Variants in ZNF506 observed in about 807,000 individuals in gnomAD.
The protein encoded by ZNF506 is zinc finger protein 506.
In ZNF506, 10 loss-of-function variants were observed where a neutral mutation model predicts 11.6. That is an observed-to-expected ratio of 0.86 (90% CI 0.53 to 1.46). The LOEUF is 1.46. Among genes scored for constraint, ZNF506 ranks in the 40% most tolerant of loss-of-function variants. ZNF506 has a pLI of 0.00. For missense variants in ZNF506, 425 were observed against 521.2 expected (o/e 0.82, Z 1.80); for synonymous variants, 156 against 173.3 (o/e 0.90, Z 0.78).
At chr19:19,821,487 T>G in intron 1 of ZNF506, 114 bp downstream of exon 1, 2 of 1,372,982 alleles carry the variant, frequency 1.5e-6, no homozygotes, top group Non-Finnish European at 2.1e-6. Context: ...GCGCAGATTG[T>G]GGAGCTGACT....
intron 3 of ZNF506, among the ~76,000 whole-genome samples, chr19:19,803,971 G>A (rs1015704018): frequency 6.6e-6 from 1 of 151,154 alleles, no homozygotes; most frequent in African/African-American, 2.4e-5. Context: ...CTGAGGTGTG[G>A]TTTACTTCCA....
chr19:19,794,625 C>G lies in ZNF506; in HGVS notation c.1262G>C (p.Arg421Thr), dbSNP rs1457150044. 6.2e-7 allele frequency: 1 copy of G among 1,612,760 alleles called. No individual in the cohort carries two copies. The highest frequency in any genetic ancestry group is 1.7e-5 in the Admixed American group (1 of 59,688). The part of the protein sequence containing the change: ...ALNKHKKIHI[R>T]QKPCIVKNVE... ...ATTCTTCACTATGCAGGGTTTCTGT[C>G]TAATATGAATTTTCTTATGTTTATT... Residue 421 changes from arginine to threonine, a missense_variant, in exon 4 of 4, where the codon AGA becomes ACA. Physicochemically the swap from Arg to Thr is moderately conservative, Grantham distance 71. This residue lies in a region of ZNF506 where 192 missense variants were observed against 215.7 expected (regional missense o/e 0.89). Transcript: ENST00000540806.
rs535142042 is a variant in ZNF506 at position 19,806,168 on chromosome 19, C to T, written c.131-42G>A. The T allele has an allele frequency of 3.2e-5, 46 of 1,444,726 alleles. No homozygotes were observed. The South Asian group carries it at 5.2e-4, about 16-fold the overall frequency. The allele number at this position is 1,444,726 out of a possible 1,614,324, so 89.5% of individuals were successfully genotyped here. A position where few individuals can be genotyped will look rare whatever the true frequency, so the allele number is the denominator to read the frequency against. ...AAATAATATGAATCTTGCTCATATT[C>T]TCCAATTACAAGCTAGTACTGTGCT... On this transcript the variant is annotated intron_variant, in intron 2 of 3. Coordinates refer to ENST00000540806, the MANE Select transcript of ZNF506 (RefSeq NM_001099269.3).
At chr19:19,805,543 TACTTA>T (rs1406243177) in intron 3 of ZNF506, among the ~76,000 whole-genome samples, 1 of 152,080 alleles carries the variant, frequency 6.6e-6, no homozygotes, top group Non-Finnish European at 1.5e-5. Context: ...AAGGATATCA[TACTTA>T]AAATTTCAAA....
intron 1 of ZNF506, among the ~76,000 whole-genome samples, chr19:19,815,855 C>T (rs961127657): frequency 1.3e-5 from 2 of 152,182 alleles, no homozygotes; most frequent in Non-Finnish European, 2.9e-5. Context: ...CATCAAAATA[C>T]TGTAGTTATC....
At chr19:19,798,654 CAAAAAAAAAAA>C (rs1169444252) in intron 3 of ZNF506, 1 of 39,424 alleles carries the variant, frequency 2.5e-5, no homozygotes, top group African/African-American at 1.0e-4. Context: ...GACTCCGTCT[CAAAAAAAAAAA>C]AAAAAAAAAA....
intron 1 of ZNF506, among the ~76,000 whole-genome samples, chr19:19,808,596 A>T (rs566489947): frequency 7.0e-6 from 1 of 143,538 alleles, no homozygotes; most frequent in African/African-American, 2.5e-5. Flanking sequence ...CTGTAATCCC[A>T]GCACTTTGGG....
intron 1 of ZNF506, among the ~76,000 whole-genome samples, chr19:19,817,456 C>T (rs902994736): frequency 4.1e-5 from 6 of 146,440 alleles, no homozygotes; most frequent in Non-Finnish European, 7.4e-5. Context: ...TTTACAAAGT[C>T]TAGAAAGTAC....
intron 1 of ZNF506, among the ~76,000 whole-genome samples, chr19:19,810,973 T>G (rs2062878793): frequency 6.6e-6 from 1 of 151,822 alleles, no homozygotes; most frequent in Non-Finnish European, 1.5e-5. Flanking sequence ...TGGGGCAGGG[T>G]GAAGACACTA....
At chr19:19,815,695 T>C (rs1168726925) in intron 1 of ZNF506, among the ~76,000 whole-genome samples, 1 of 152,220 alleles carries the variant, frequency 6.6e-6, no homozygotes, top group Non-Finnish European at 1.5e-5. Flanking sequence ...TAGACCCTGA[T>C]TCAGGGCTCA....
At chr19:19,808,429 T>G (rs2062854909) in intron 1 of ZNF506, among the ~76,000 whole-genome samples, 1 of 151,430 alleles carries the variant, frequency 6.6e-6, no homozygotes, top group Non-Finnish European at 1.5e-5. Context: ...AGCCAATCAT[T>G]AACCATTAAC....
Position 19,795,612 on chromosome 19 carries a change from T to C in ZNF506, c.275A>G (p.Lys92Arg). ...AQDLWSEQSI[K>R]DSFQKVILRR... ...TAGTATCACTTTTTGGAAAGAATCT[T>C]TTATGCTCTGCTCTGACCAAAGGTC... is the stretch of plus-strand genomic sequence containing the variant. Residue 92 changes from lysine to arginine, a missense_variant, in exon 4 of 4, where the codon AAA (lysine) becomes AGA (arginine). Physicochemically the swap from Lys to Arg is conservative, Grantham distance 26. Transcript: ENST00000540806. 1 of 1,552,938 alleles carries C rather than the reference T, an allele frequency of 6.4e-7. No individual in the cohort carries two copies. Among genetic ancestry groups the C allele is most frequent in the Non-Finnish European group, 8.7e-7 (1 of 1,155,284 alleles).
At chr19:19,819,118 G>A (rs541214798) in intron 1 of ZNF506, among the ~76,000 whole-genome samples, 19 of 152,178 alleles carry the variant, frequency 1.2e-4, no homozygotes, top group Non-Finnish European at 2.4e-4. Flanking sequence ...AGGAGACACC[G>A]CGCCATGCCC....
At chr19:19,811,492 C>T (rs2062882587) in intron 1 of ZNF506, among the ~76,000 whole-genome samples, 2 of 152,088 alleles carry the variant, frequency 1.3e-5, no homozygotes, top group Admixed American at 6.5e-5. Context: ...TAAATACGTA[C>T]ACTTAAAGAA....
intron 3 of ZNF506, among the ~76,000 whole-genome samples, chr19:19,802,495 A>G (rs2062803604): frequency 6.6e-6 from 1 of 151,690 alleles, no homozygotes; most frequent in African/African-American, 2.4e-5. Context: ...AAAAATATAT[A>G]TATTTTGCAG....
At position 19,793,774 on chromosome 19, in the gene ZNF506, TCAAA is replaced by T. The variant is rs2062713927; in HGVS notation, c.*774_*777del. 6.6e-6 allele frequency: 1 copy of T among 152,270 alleles called. No individual in the cohort carries two copies. The highest frequency in any genetic ancestry group is 2.1e-4 in the South Asian group (1 of 4,834). The allele number at this position is 152,270 out of a possible 1,614,324, so 9.4% of individuals were successfully genotyped here. On this transcript the variant is annotated 3_prime_UTR_variant, in exon 4 of 4. Coordinates refer to ENST00000540806, the MANE Select transcript of ZNF506 (RefSeq NM_001099269.3). Reference sequence around the variant, plus strand: ...TTCCTGTGAAATAAGGTGTAAGCACTCAAAAGTTTTGCCACATTCTTCACACTTG... The same window carrying T: ...TTCCTGTGAAATAAGGTGTAAGCACTAGTTTTGCCACATTCTTCACACTTG...
intron 3 of ZNF506, 148 bp from the exon 4 acceptor site, chr19:19,795,808 CTG>C (rs1207952932): frequency 1.2e-5 from 10 of 821,786 alleles, no homozygotes; most frequent in Admixed American, 3.3e-5. Flanking sequence ...GGATATATAA[CTG>C]TAACAAAAAC....
intron 1 of ZNF506, among the ~76,000 whole-genome samples, chr19:19,811,550 T>C (rs1321148856): frequency 1.3e-5 from 2 of 152,176 alleles, no homozygotes; most frequent in Non-Finnish European, 2.9e-5. Flanking sequence ...ACGCATGTAA[T>C]CCCAGCACTT....
chr19:19,794,441 A>G lies in ZNF506; in HGVS notation c.*111T>C, dbSNP rs2062720430. The G allele has an allele frequency of 9.9e-6, 11 of 1,108,908 alleles. No homozygotes were observed. Among genetic ancestry groups the G allele is most frequent in the South Asian group, 5.0e-5 (3 of 59,870 alleles). The allele number at this position is 1,108,908 out of a possible 1,614,324, so 68.7% of individuals were successfully genotyped here. Reference sequence around the variant, plus strand: ...CTTAAAAAGCTTTGTCACATTCTTTATATTTGTAGGGTTTATGTTCCATAT... The same window carrying G: ...CTTAAAAAGCTTTGTCACATTCTTTGTATTTGTAGGGTTTATGTTCCATAT... On this transcript the variant is annotated 3_prime_UTR_variant, in exon 4 of 4. Coordinates refer to ENST00000540806, the MANE Select transcript of ZNF506 (RefSeq NM_001099269.3).
Sources: gnomAD v4.1 joint callset for allele counts (sites outside exome capture counted in the v4.1 genomes callset) on GRCh38, gnomAD v4.1.1 for gene constraint, gnomAD v4.1.1 regional missense constraint, MANE v1.5 for transcripts, NCBI Gene and HGNC (gene_info 2026-07-23, HGNC 2026-07-21) for gene names.